The following ATRN variants were observed in gnomAD, a reference collection of about 807,000 sequenced individuals.
ATRN encodes attractin-2.
In ATRN, 54 loss-of-function variants were observed where a neutral mutation model predicts 178.7. That is an observed-to-expected ratio of 0.30 (90% CI 0.24 to 0.38). ATRN has a LOEUF of 0.38. ATRN is among the 10% of genes least tolerant of loss of function. The pLI is 1.00. For synonymous variants in ATRN, 636 were observed against 663.0 expected (o/e 0.96, Z 0.63); for missense variants, 1,443 against 1,815.1 (o/e 0.79, Z 3.73).
chr20:3,581,789 T>C (rs2086285719), intron 15 of ATRN, among the ~76,000 whole-genome samples: 1 of 152,226 alleles, frequency 6.6e-6, no homozygotes, highest in Non-Finnish European at 1.5e-5. Context: ...TTATCTTCTC[T>C]GAGCTACATT....
intron 24 of ATRN, among the ~76,000 whole-genome samples, chr20:3,621,967 TC>T (rs1177657566): frequency 6.6e-6 from 1 of 152,246 alleles, no homozygotes; most frequent in Non-Finnish European, 1.5e-5. Flanking sequence ...AATTAATGTA[TC>T]AGTGGCTGCT....
Position 3,490,355 on chromosome 20 carries a change from C to T in ATRN, c.410+18838C>T, listed in dbSNP as rs1600019361. 4.0e-6 allele frequency: 4 copies of T among 993,336 alleles called. No homozygotes were observed. The East Asian group carries it at 9.5e-5, about 24-fold the overall frequency. 61.5% of individuals were successfully genotyped at this position (993,336 alleles called of 1,614,324 possible). ...CGCCCATCCAGGAAGGTCACATTCTCCCATTTCTTCTCAAACTCAGCCTGA... is the reference window on the plus strand; with the variant it reads ...CGCCCATCCAGGAAGGTCACATTCTTCCATTTCTTCTCAAACTCAGCCTGA... On this transcript the variant is annotated intron_variant, in intron 1 of 28. Transcript: ENST00000262919.
chr20:3,649,428 T>C lies in ATRN; in HGVS notation c.*2581T>C, dbSNP rs2087130260. ...TTTCACCTAAGATGTTTTTGTGCCA[T>C]ATGCTGGATATCCAGGTTCTCGCCA... On this transcript the variant is annotated 3_prime_UTR_variant, in exon 29 of 29. Coordinates refer to ENST00000262919, the MANE Select transcript of ATRN (RefSeq NM_139321.3). The C allele has an allele frequency of 6.6e-6, 1 of 152,474 alleles. No individual in the cohort carries two copies. 9.4% of individuals were successfully genotyped at this position (152,474 alleles called of 1,614,324 possible).
chr20:3,568,072 C>T (rs529619301), intron 11 of ATRN, among the ~76,000 whole-genome samples: 114 of 151,884 alleles, frequency 7.5e-4, no homozygotes, highest in Middle Eastern at 3.4e-3. Flanking sequence ...GGGTGGATCA[C>T]GAGGTCAGGA....
rs1354468647 is a variant in ATRN at position 3,645,734 on chromosome 20, G to A, written c.4166-989G>A. On this transcript the variant is annotated intron_variant, in intron 28 of 28. Coordinates refer to ENST00000262919, the MANE Select transcript of ATRN (RefSeq NM_139321.3). This position sits in a 1 kb window ranked among gnomAD's most constrained non-coding sequence, Gnocchi z 4.7. ...CCAGAGCATTCCCCACTGTGTGCCA[G>A]GCACTTACAGCTGTCTACCCCCACC... Among the ~76,000 whole-genome samples the A allele has an allele frequency of 2.0e-5, 3 of 152,082 alleles. No individual in the cohort carries two copies. Among genetic ancestry groups the A allele is most frequent in the African/African-American group, 7.2e-5 (3 of 41,398 alleles).
At chr20:3,521,341 G>GA (rs904230967) in intron 1 of ATRN, among the ~76,000 whole-genome samples, 36 of 142,474 alleles carry the variant, frequency 2.5e-4, no homozygotes, top group African/African-American at 4.9e-4. Context: ...AAAGTCAAGA[G>GA]AAAAAAAAAA....
At chr20:3,494,024 C>T (rs73089212) in intron 1 of ATRN, among the ~76,000 whole-genome samples, 22,673 of 152,130 alleles carry the variant, frequency 0.15, 2,138 homozygotes, top group Non-Finnish European at 0.21. Context: ...AGATTATTCT[C>T]TATAACAGTA....
intron 26 of ATRN, among the ~76,000 whole-genome samples, chr20:3,636,742 CATAGTT>C: frequency 1.3e-5 from 2 of 152,300 alleles, no homozygotes; most frequent in Admixed American, 1.3e-4. Flanking sequence ...ACTTACACCA[CATAGTT>C]AACTAAGAGG....
intron 11 of ATRN, among the ~76,000 whole-genome samples, chr20:3,565,747 G>A (rs1333546085): frequency 4.8e-5 from 7 of 145,276 alleles, no homozygotes; most frequent in African/African-American, 1.8e-4. Context: ...GCCGTGAGAC[G>A]AGATCGCGCC....
At chr20:3,500,514 T>C (rs372605983) in intron 1 of ATRN, among the ~76,000 whole-genome samples, 1 of 151,410 alleles carries the variant, frequency 6.6e-6, no homozygotes, top group African/African-American at 2.4e-5. Flanking sequence ...CCATAAAAAA[T>C]GATGAGTTCA....
chr20:3,621,044 G>A (rs1185925215), intron 24 of ATRN, among the ~76,000 whole-genome samples: 1 of 152,014 alleles, frequency 6.6e-6, no homozygotes, highest in African/African-American at 2.4e-5. Context: ...TTTATGTGTG[G>A]CCAAAGACAA....
intron 1 of ATRN, among the ~76,000 whole-genome samples, chr20:3,514,999 A>G (rs560896882): frequency 6.6e-6 from 1 of 152,274 alleles, no homozygotes; most frequent in African/African-American, 2.4e-5. Flanking sequence ...ATATATTAGG[A>G]GCTTGTACAA....
intron 1 of ATRN, chr20:3,491,062 T>G: frequency 1.1e-6 from 1 of 870,044 alleles, no homozygotes; most frequent in Non-Finnish European, 1.9e-6. Flanking sequence ...TGCTGCTGGT[T>G]AAAGGAAATG....
At chr20:3,576,323 G>T (rs1371986607) in intron 13 of ATRN, among the ~76,000 whole-genome samples, 1 of 152,204 alleles carries the variant, frequency 6.6e-6, no homozygotes, top group East Asian at 1.9e-4. Context: ...CTGTGGAAAT[G>T]ACAGACTTTG....
intron 1 of ATRN, among the ~76,000 whole-genome samples, chr20:3,511,118 A>G (rs777569027): frequency 1.3e-5 from 2 of 152,218 alleles, no homozygotes; most frequent in Non-Finnish European, 2.9e-5. Flanking sequence ...GCATTCTGAG[A>G]ATTAAAATTG....
At chr20:3,576,450 G>A (rs1395489198) in intron 13 of ATRN, among the ~76,000 whole-genome samples, 2 of 151,930 alleles carry the variant, frequency 1.3e-5, no homozygotes, top group Non-Finnish European at 2.9e-5. Flanking sequence ...CAGCTTACAA[G>A]ACTTTTTTTT....
rs1452842998 is a variant in ATRN at position 3,626,784 on chromosome 20, T to TTC, written c.3863+2213_3863+2214insCT. On this transcript the variant is annotated intron_variant, in intron 25 of 28. Transcript: ENST00000262919. ...TTGAAATGCATATGAATTATTTCTTTTTTTTTTTTTTTTTTTGAAACTTAG... is the reference window on the plus strand; with the variant it reads ...TTGAAATGCATATGAATTATTTCTTTTCTTTTTTTTTTTTTTTTGAAACTTAG... Among the ~76,000 whole-genome samples, 70 of 127,234 alleles carry TTC rather than the reference T, an allele frequency of 5.5e-4. 1 individual carries two copies. In the East Asian group the frequency reaches 9.6e-3, roughly 17 times the overall value. The allele number at this position is 127,234 out of a possible 152,430, so 83.5% of individuals were successfully genotyped here. A position where few individuals can be genotyped will look rare whatever the true frequency, so the allele number is the denominator to read the frequency against.
At chr20:3,596,228 C>T (rs2086526498) in intron 20 of ATRN, 149 bp from the exon 21 acceptor site, 1 of 765,518 alleles carries the variant, frequency 1.3e-6, no homozygotes, top group Admixed American at 2.4e-5. Context: ...CATGCTCTTC[C>T]TAGACTGCCT....
chr20:3,628,660 C>T (rs999487744), intron 25 of ATRN, among the ~76,000 whole-genome samples: 1 of 151,916 alleles, frequency 6.6e-6, no homozygotes, highest in Non-Finnish European at 1.5e-5. Flanking sequence ...CATGGTTTCA[C>T]GCATCCACTG....
Sources: allele counts gnomAD v4.1 joint callset (sites outside exome capture counted in the v4.1 genomes callset), GRCh38; gene constraint gnomAD v4.1.1; non-coding constraint Gnocchi (gnomAD v3.1); transcripts MANE v1.5; gene names NCBI Gene and HGNC (gene_info 2026-07-23, HGNC 2026-07-21).